The following DTL variants were observed in gnomAD, a reference collection of about 807,000 sequenced individuals.
DTL encodes the protein denticleless protein homolog.
A neutral mutation model predicts 87.0 loss-of-function variants in DTL; 46 were observed. The observed-to-expected ratio is 0.53, with a 90% CI of 0.42 to 0.68. DTL has a LOEUF of 0.68. Among genes scored for constraint, DTL ranks in the 30% least tolerant of loss-of-function variants. The pLI, the probability that DTL is intolerant of heterozygous loss-of-function variation, is 0.00. For missense variants in DTL, 737 were observed against 869.4 expected, an observed-to-expected ratio of 0.85 and a Z score of 1.91; for synonymous variants, 308 against 311.2, an observed-to-expected ratio of 0.99 and a Z score of 0.11.
chr1:212,063,296 ATTT>A (rs879847011), intron 6 of DTL, among the ~76,000 whole-genome samples: 2 of 142,794 alleles, frequency 1.4e-5, no homozygotes, highest in Admixed American at 1.4e-4. Flanking sequence ...TATTATTATT[ATTT>A]TTTTTTTTTT....
intron 5 of DTL, among the ~76,000 whole-genome samples, chr1:212,053,061 A>T (rs1668047740): frequency 6.6e-6 from 1 of 152,206 alleles, no homozygotes; most frequent in African/African-American, 2.4e-5. Flanking sequence ...ACATGCATAC[A>T]AATGGAATGA....
intron 13 of DTL, among the ~76,000 whole-genome samples, chr1:212,086,267 C>T (rs754672023): frequency 6.6e-6 from 1 of 151,852 alleles, no homozygotes; most frequent in African/African-American, 2.4e-5. Context: ...TATTGCCTGT[C>T]GTTATATGTA....
At chr1:212,085,940 A>G (rs925078506) in intron 13 of DTL, among the ~76,000 whole-genome samples, 12 of 152,250 alleles carry the variant, frequency 7.9e-5, no homozygotes, top group Non-Finnish European at 1.2e-4. Context: ...TCAATTGACC[A>G]TAAATGTGAG....
intron 8 of DTL, 89 bp from the exon 9 acceptor site, chr1:212,068,135 A>G (rs971916393): frequency 1.3e-5 from 10 of 761,738 alleles, no homozygotes; most frequent in East Asian, 2.6e-5. Context: ...CAGAGGAGTT[A>G]GATTAAAAGT....
intron 10 of DTL, 129 bp downstream of exon 10, chr1:212,068,832 T>C: frequency 1.8e-6 from 1 of 569,872 alleles, no homozygotes. Context: ...CATCTTTGAT[T>C]ACATCCAGTG....
At chr1:212,062,151 A>G (rs1245251722) in intron 5 of DTL, among the ~76,000 whole-genome samples, 1 of 152,148 alleles carries the variant, frequency 6.6e-6, no homozygotes, top group African/African-American at 2.4e-5. Flanking sequence ...GAAAAATTGC[A>G]TGTTTTCATT....
At chr1:212,041,610 ATT>A (rs1667645870) in intron 1 of DTL, among the ~76,000 whole-genome samples, 1 of 151,630 alleles carries the variant, frequency 6.6e-6, no homozygotes, top group Non-Finnish European at 1.5e-5. Flanking sequence ...GGTTCACTCT[ATT>A]CTCCTGCCTC....
intron 5 of DTL, among the ~76,000 whole-genome samples, chr1:212,058,910 T>C (rs1404804155): frequency 2.0e-5 from 3 of 152,102 alleles, no homozygotes; most frequent in African/African-American, 7.2e-5. Context: ...TGTGTACAAC[T>C]ATACACTAAC....
At chr1:212,076,595 G>A (rs1262282092) in intron 11 of DTL, among the ~76,000 whole-genome samples, 2 of 152,120 alleles carry the variant, frequency 1.3e-5, no homozygotes, top group African/African-American at 2.4e-5. Context: ...ATCAATGGAA[G>A]ACAATAATGT....
Position 212,100,862 on chromosome 1 carries a change from T to A in DTL, c.1872T>A (p.Pro624=), listed in dbSNP as rs1412621762. 6.2e-7 allele frequency: 1 copy of A among 1,614,188 alleles called. No individual in the cohort carries two copies. The highest frequency in any genetic ancestry group is 1.1e-5 in the South Asian group (1 of 91,092). Residue 624 remains proline, a synonymous_variant, in exon 14 of 15, where the codon CCT becomes CCA. Transcript: ENST00000366991. ...CCAGTATCTCAGAGCCTCCGTCTCC[T>A]ATCAGTCCGTATGCTTCAGAAAGCT... ...AGTSISEPPS[P]ISPYASESCG...
rs1655575154 is a variant in DTL at position 212,100,254 on chromosome 1, A to G, written c.1264A>G (p.Thr422Ala). 2 of 1,533,430 alleles carry G rather than the reference A, an allele frequency of 1.3e-6. No individual in the cohort carries two copies. Among genetic ancestry groups the G allele is most frequent in the South Asian group, 2.6e-5 (2 of 77,730 alleles). The allele number at this position is 1,533,430 out of a possible 1,614,324, so 95.0% of individuals were successfully genotyped here. ...CATGATCCTCTCCTCTTTTTCAGTA[A>G]CAGTAACGAGTAGCCAGAGTACTCC... ...KKKESRPGLVTVTSSQSTPAK... is the reference protein window; with the variant it reads ...KKKESRPGLVAVTSSQSTPAK... The change falls in exon 14 of 15, where the codon ACA becomes GCA. Residue 422 changes from threonine (T) to alanine (A), a missense_variant and splice_region_variant. By Grantham distance (58) the Thr-to-Ala change is moderately conservative. Transcript: ENST00000366991.
At chr1:212,057,878 A>G (rs1668227234) in intron 5 of DTL, among the ~76,000 whole-genome samples, 1 of 152,204 alleles carries the variant, frequency 6.6e-6, no homozygotes, top group African/African-American at 2.4e-5. Context: ...AAATAAAGGA[A>G]TGTAAAAAGA....
At chr1:212,096,041 C>G (rs1192834938) in intron 13 of DTL, among the ~76,000 whole-genome samples, 1 of 152,098 alleles carries the variant, frequency 6.6e-6, no homozygotes, top group Non-Finnish European at 1.5e-5. Flanking sequence ...CCATTTCAAT[C>G]TAAGTGCTTG....
intron 13 of DTL, among the ~76,000 whole-genome samples, chr1:212,091,393 G>GT (rs1655278933): frequency 6.6e-6 from 1 of 152,176 alleles, no homozygotes; most frequent in African/African-American, 2.4e-5. Flanking sequence ...CAGAATGGCA[G>GT]TTTCTCAAAA....
chr1:212,091,767 A>G (rs1004242449), intron 13 of DTL, among the ~76,000 whole-genome samples: 2 of 152,214 alleles, frequency 1.3e-5, no homozygotes, highest in African/African-American at 4.8e-5. Flanking sequence ...AGAATAACGT[A>G]CTATGTACTT....
rs778971633 is a variant in DTL, at chr1:212,102,848, A to G, written c.2101A>G (p.Ile701Val). ...CTAAACTTTCTTCTTCTAGGTCACC[A>G]TCACGCCCAGCTCCATGAGGAAAAT... ...SGKKLPSPVT[I>V]TPSSMRKICT... Residue 701 changes from isoleucine to valine, a missense_variant, in exon 15 of 15, where the codon ATC (isoleucine) becomes GTC (valine). By Grantham distance (29) the Ile-to-Val change is conservative (BLOSUM62 3). Coordinates refer to ENST00000366991, the MANE Select transcript of DTL (RefSeq NM_016448.4). 1.2e-6 allele frequency: 2 copies of G among 1,610,256 alleles called. No individual in the cohort carries two copies. The highest frequency in any genetic ancestry group is 1.1e-5 in the South Asian group (1 of 90,810).
intron 11 of DTL, 122 bp from the exon 12 acceptor site, chr1:212,078,051 G>C: frequency 1.9e-6 from 1 of 527,582 alleles, no homozygotes; most frequent in African/African-American, 2.0e-5. Flanking sequence ...CTATAGCTAG[G>C]CAGGTCTAGT....
At chr1:212,065,384 A>G (rs117762863) in intron 7 of DTL, among the ~76,000 whole-genome samples, 8,503 of 152,254 alleles carry the variant, frequency 0.056, 269 homozygotes, top group Non-Finnish European at 0.073. Flanking sequence ...TACATTTTAA[A>G]AAATTGATAA....
At chr1:212,041,113 A>G (rs1044215839) in intron 1 of DTL, among the ~76,000 whole-genome samples, 7 of 152,240 alleles carry the variant, frequency 4.6e-5, no homozygotes, top group African/African-American at 1.7e-4. Context: ...GGAGGAAAGC[A>G]TTACAGTTTC....
Sources: gnomAD v4.1 joint callset for allele counts (sites outside exome capture counted in the v4.1 genomes callset) on GRCh38, gnomAD v4.1.1 for gene constraint, MANE v1.5 for transcripts, NCBI Gene and HGNC (gene_info 2026-07-23, HGNC 2026-07-21) for gene names.